Variants in RPAP2 observed in about 807,000 individuals in gnomAD.
RPAP2 encodes the protein putative RNA polymerase II subunit B1 CTD phosphatase RPAP2.
A neutral mutation model predicts 73.1 loss-of-function variants in RPAP2; 52 were observed. The observed-to-expected ratio is 0.71, with a 90% confidence interval of 0.57 to 0.90. RPAP2 has a LOEUF of 0.90. Among genes scored for constraint, RPAP2 ranks in the 40% least tolerant of loss-of-function variants. RPAP2 has a pLI of 0.00. For synonymous variants in RPAP2, 225 were observed against 242.1 expected (o/e 0.93, Z 0.65); for missense variants, 598 against 701.8 (o/e 0.85, Z 1.67).
At position 92,345,848 on chromosome 1, in the gene RPAP2, TAACA is replaced by T; in HGVS notation, c.1625_1628del (p.Thr542IlefsTer13). 6.3e-7 allele frequency: 1 copy of T among 1,577,296 alleles called. No individual in the cohort carries two copies. The highest frequency in any genetic ancestry group is 8.7e-7 in the Non-Finnish European group (1 of 1,149,690). On this transcript the variant is annotated frameshift_variant, in exon 11 of 13. Transcript: ENST00000610020. LOFTEE classifies it high-confidence loss of function. ...GATAAATTTTATCTATCTTTCAGGTTAACAAATAGAAATATTATACACAAACCTG... is the reference window on the plus strand; with the variant it reads ...GATAAATTTTATCTATCTTTCAGGTTAATAGAAATATTATACACAAACCTG...
At chr1:92,365,646 G>C (rs1280382619) in intron 11 of RPAP2, among the ~76,000 whole-genome samples, 2 of 152,202 alleles carry the variant, frequency 1.3e-5, no homozygotes, top group Non-Finnish European at 2.9e-5. Context: ...TAGTTTGAAA[G>C]GTTCCTCTTG....
In RPAP2 at chr1:92,399,905, C is replaced by T. The variant is rs906859937; in HGVS notation, c.*12894C>T. ...ACCTCTCTTGTCTGGGTTGGGCATC[C>T]AGATAAGATTTTCTTCGTACAAAGA... On this transcript the variant is annotated 3_prime_UTR_variant, in exon 13 of 13. Transcript: ENST00000610020. 1.3e-5 allele frequency: 2 copies of T among 152,130 alleles called. No individual in the cohort carries two copies. The highest frequency in any genetic ancestry group is 4.8e-5 in the African/African-American group (2 of 41,420). 9.4% of individuals were successfully genotyped at this position (152,130 alleles called of 1,614,324 possible).
At chr1:92,334,686 A>G (rs1653169492) in intron 9 of RPAP2, among the ~76,000 whole-genome samples, 1 of 152,032 alleles carries the variant, frequency 6.6e-6, no homozygotes, top group South Asian at 2.1e-4. Flanking sequence ...CATCTCTACA[A>G]AAATAAAAAT....
Position 92,336,376 on chromosome 1 carries a change from T to A in RPAP2, c.1568T>A (p.Ile523Asn). 6.2e-7 allele frequency: 1 copy of A among 1,610,858 alleles called. No individual in the cohort carries two copies. Among genetic ancestry groups the A allele is most frequent in the African/African-American group, 1.3e-5 (1 of 74,972 alleles). The change falls in exon 10 of 13, where the codon ATT (isoleucine) becomes AAT (asparagine). Residue 523 changes from isoleucine to asparagine, a missense_variant. Coordinates refer to ENST00000610020, the MANE Select transcript of RPAP2 (RefSeq NM_024813.3). ...VLPGLLVPLQ[I>N]TLGDIYTQLK... ...CCTGGGCTTCTGGTTCCTCTTCAGA[T>A]TACATTGGGAGATATTTACACACAA...
chr1:92,326,801 T>C (rs1652660101), intron 8 of RPAP2, among the ~76,000 whole-genome samples: 1 of 152,206 alleles, frequency 6.6e-6, no homozygotes, highest in Admixed American at 6.5e-5. Context: ...ACTCCCACCA[T>C]GTCCCTTCAA....
intron 12 of RPAP2, among the ~76,000 whole-genome samples, chr1:92,384,250 C>G (rs1417747939): frequency 6.6e-6 from 1 of 152,002 alleles, no homozygotes; most frequent in African/African-American, 2.4e-5. Flanking sequence ...GCCACCGTGC[C>G]TGGCCTATAA....
intron 6 of RPAP2, among the ~76,000 whole-genome samples, chr1:92,309,478 T>C (rs1015590456): frequency 3.3e-5 from 5 of 150,868 alleles, no homozygotes; most frequent in Non-Finnish European, 5.9e-5. Context: ...CTAATCTAAA[T>C]GAATCAACTT....
In RPAP2 at chr1:92,389,148, G is replaced by C. The variant is rs1039776432; in HGVS notation, c.*2137G>C. 3.3e-5 allele frequency: 5 copies of C among 152,324 alleles called. No homozygotes were observed. The highest frequency in any genetic ancestry group is 7.3e-5 in the Non-Finnish European group (5 of 68,172). The allele number at this position is 152,324 out of a possible 1,614,324, so 9.4% of individuals were successfully genotyped here. On this transcript the variant is annotated 3_prime_UTR_variant, in exon 13 of 13. Coordinates refer to ENST00000610020, the MANE Select transcript of RPAP2 (RefSeq NM_024813.3). ...AGACATCTCCCAGTAGGCGCCGAAA[G>C]ACACCTCAGAGAGGTAGATGCCCCA...
At chr1:92,329,060 G>A (rs1411354592) in intron 8 of RPAP2, among the ~76,000 whole-genome samples, 1 of 152,210 alleles carries the variant, frequency 6.6e-6, no homozygotes, top group Non-Finnish European at 1.5e-5. Context: ...AGTGGACTCT[G>A]TGAGGGTCCT....
chr1:92,395,835 C>T lies in RPAP2; in HGVS notation c.*8824C>T, dbSNP rs913193788. 1 of 152,026 alleles carries T rather than the reference C, an allele frequency of 6.6e-6. No individual in the cohort carries two copies. The highest frequency in any genetic ancestry group is 1.5e-5 in the Non-Finnish European group (1 of 68,016). 9.4% of individuals were successfully genotyped at this position (152,026 alleles called of 1,614,324 possible). ...CAGCAAAGATATACAAATTGCTTAG[C>T]ATATGAAGAGATGTGTACTATCACT... On this transcript the variant is annotated 3_prime_UTR_variant, in exon 13 of 13. Transcript: ENST00000610020.
chr1:92,371,972 TATC>T (rs940176468), intron 11 of RPAP2, among the ~76,000 whole-genome samples: 3 of 151,884 alleles, frequency 2.0e-5, no homozygotes, highest in Non-Finnish European at 4.4e-5. Flanking sequence ...TAGCCATTAT[TATC>T]ATCATCATCA....
intron 6 of RPAP2, among the ~76,000 whole-genome samples, chr1:92,319,140 T>C (rs187438162): frequency 1.6e-4 from 24 of 152,344 alleles, no homozygotes; most frequent in African/African-American, 5.8e-4. Context: ...ACTGTATCCA[T>C]CTTTATAAGC....
Position 92,387,777 on chromosome 1 carries a change from A to G in RPAP2, c.*766A>G, listed in dbSNP as rs1483492943. 2.6e-5 allele frequency: 4 copies of G among 152,216 alleles called. No homozygotes were observed. The highest frequency in any genetic ancestry group is 4.4e-5 in the Non-Finnish European group (3 of 68,034). 9.4% of individuals were successfully genotyped at this position (152,216 alleles called of 1,614,324 possible). ...ACTGGAATGGGGAGCTTAGTGGGCA[A>G]GGAGGTAGGGATATAATTTCTCTTC... On this transcript the variant is annotated 3_prime_UTR_variant, in exon 13 of 13. Coordinates refer to ENST00000610020, the MANE Select transcript of RPAP2 (RefSeq NM_024813.3).
At chr1:92,321,113 C>T (rs1652228905) in intron 7 of RPAP2, among the ~76,000 whole-genome samples, 1 of 150,840 alleles carries the variant, frequency 6.6e-6, no homozygotes, top group African/African-American at 2.5e-5. Context: ...GGCCATCTCT[C>T]AAAACACATC....
chr1:92,330,084 T>C lies in RPAP2; in HGVS notation c.1456-3307T>C, dbSNP rs1652870442. Among the ~76,000 whole-genome samples, 3 of 152,228 alleles carry C rather than the reference T, an allele frequency of 2.0e-5. No homozygotes were observed. The South Asian group carries it at 6.2e-4, about 32-fold the overall frequency. On this transcript the variant is annotated intron_variant, in intron 8 of 12. Transcript: ENST00000610020. ...GAAGTGCTGCTTGTAGTGGACCAAG[T>C]GGGAATGACTCTTCTGCACCGTCCA... is the stretch of plus-strand genomic sequence containing the variant.
At position 92,398,561 on chromosome 1, in the gene RPAP2, T is replaced by C. The variant is rs1002275903; in HGVS notation, c.*11550T>C. ...TAAGCCCTTCGTAGAAAAAGAAAAG[T>C]AAGCATTTCTAGAAGCACATTTTTG... On this transcript the variant is annotated 3_prime_UTR_variant, in exon 13 of 13. Transcript: ENST00000610020. 3.9e-5 allele frequency: 6 copies of C among 152,164 alleles called. No homozygotes were observed. Among genetic ancestry groups the C allele is most frequent in the Non-Finnish European group, 7.3e-5 (5 of 68,038 alleles). The allele number at this position is 152,164 out of a possible 1,614,324, so 9.4% of individuals were successfully genotyped here.
rs1656311154 is a variant in RPAP2, at chr1:92,401,245, G to A, written c.*14234G>A. ...CTGAAGACCTTTCTAACTCACTTCT[G>A]TAAAGATCAATTCAATAAAAGCAGC... On this transcript the variant is annotated 3_prime_UTR_variant, in exon 13 of 13. Transcript: ENST00000610020. The A allele has an allele frequency of 2.0e-5, 3 of 152,188 alleles. No homozygotes were observed. Among genetic ancestry groups the A allele is most frequent in the Admixed American group, 6.5e-5 (1 of 15,284 alleles). The allele number at this position is 152,188 out of a possible 1,614,324, so 9.4% of individuals were successfully genotyped here.
rs564295084 is a variant in RPAP2 at position 92,400,944 on chromosome 1, C to T, written c.*13933C>T. ...GGCTGGGAAAGCCTCAGGAAACTTA[C>T]AATCATAGCAGAAGGCAAAGGGGAA... On this transcript the variant is annotated 3_prime_UTR_variant, in exon 13 of 13. Transcript: ENST00000610020. The T allele has an allele frequency of 2.2e-4, 33 of 152,254 alleles. No homozygotes were observed. The highest frequency in any genetic ancestry group is 2.2e-3 in the Admixed American group (33 of 15,270). 9.4% of individuals were successfully genotyped at this position (152,254 alleles called of 1,614,324 possible). A position where few individuals can be genotyped will look rare whatever the true frequency, so the allele number is the denominator to read the frequency against.
intron 6 of RPAP2, among the ~76,000 whole-genome samples, chr1:92,312,283 G>A (rs1557593458): frequency 6.6e-6 from 1 of 152,052 alleles, no homozygotes; most frequent in Admixed American, 6.6e-5. Context: ...TGGGTGTGGT[G>A]GCACACAACT....
Sources: gnomAD v4.1 joint callset for allele counts (sites outside exome capture counted in the v4.1 genomes callset) on GRCh38, gnomAD v4.1.1 for gene constraint, MANE v1.5 for transcripts, NCBI Gene and HGNC (gene_info 2026-07-23, HGNC 2026-07-21) for gene names.